Variants in SUSD3 observed in about 807,000 individuals in gnomAD.
SUSD3 encodes sushi domain containing 3, also known as sushi domain-containing protein 3.
In SUSD3, 18 loss-of-function variants were observed where a neutral mutation model predicts 20.6. The observed-to-expected ratio is 0.87, with a 90% CI of 0.60 to 1.30. SUSD3 has a LOEUF of 1.30. SUSD3 is among the 50% of genes most tolerant of loss of function. The pLI, the probability that SUSD3 is intolerant of heterozygous loss-of-function variation, is 0.00. For synonymous variants in SUSD3, 137 were observed against 141.5 expected, an observed-to-expected ratio of 0.97 and a Z score of 0.23; for missense variants, 306 against 346.9, an observed-to-expected ratio of 0.88 and a Z score of 0.94.
rs562512987 is a variant in SUSD3, at chr9:93,064,100, G to C, written c.88+5270G>C. Among the ~76,000 whole-genome samples, 11 of 152,228 alleles carry C rather than the reference G, an allele frequency of 7.2e-5. No individual in the cohort carries two copies. In the South Asian group the frequency reaches 1.2e-3, roughly 17 times the overall value. ...GTCTCACTTTGTCAACCAGGCTAGA[G>C]TACAGTGCCGTGATCTTGGCTCACT... On this transcript the variant is annotated intron_variant, in intron 1 of 4. Transcript: ENST00000375472.
rs369829228 is a variant in SUSD3 at position 93,081,974 on chromosome 9, C to A, written c.557+2372C>A. ...CTAGGAATCGATTGTTTAGGCCCAA[C>A]AGTCTGAATATTTTATGACCACATT... On this transcript the variant is annotated intron_variant, in intron 4 of 4. Coordinates refer to ENST00000375472, the MANE Select transcript of SUSD3 (RefSeq NM_145006.4). Among the ~76,000 whole-genome samples, 3 of 152,206 alleles carry A rather than the reference C, an allele frequency of 2.0e-5. No homozygotes were observed. The East Asian group carries it at 5.8e-4, about 29-fold the overall frequency.
intron 4 of SUSD3, among the ~76,000 whole-genome samples, chr9:93,081,243 G>A (rs1325471165): frequency 6.6e-6 from 1 of 152,152 alleles, no homozygotes; most frequent in Non-Finnish European, 1.5e-5. Flanking sequence ...ACTGCTCTGG[G>A]AGCCCTGTTT....
chr9:93,070,483 G>A (rs1825870461), intron 1 of SUSD3, among the ~76,000 whole-genome samples: 1 of 152,210 alleles, frequency 6.6e-6, no homozygotes, highest in Non-Finnish European at 1.5e-5. Context: ...GGGCAGCCCG[G>A]GGATAAAGAG....
In SUSD3 at chr9:93,084,626, G is replaced by A. The variant is rs1481690262; in HGVS notation, c.647G>A (p.Gly216Asp). Residue 216 changes from glycine to aspartate, a missense_variant, in exon 5 of 5, where the codon GGC (glycine) becomes GAC (aspartate). By Grantham distance (94) the Gly-to-Asp change is moderately conservative (BLOSUM62 -1). Coordinates refer to ENST00000375472, the MANE Select transcript of SUSD3 (RefSeq NM_145006.4). ...PGIPRALSLS[G>D]SSSSPQAQVM... ...ATCCCCAGAGCTCTAAGCCTCAGTG[G>A]CTCCTCCAGCTCACCCCAAGCCCAG... 1 of 1,609,694 alleles carries A rather than the reference G, an allele frequency of 6.2e-7. No individual in the cohort carries two copies. Among genetic ancestry groups the A allele is most frequent in the African/African-American group, 1.3e-5 (1 of 74,852 alleles).
chr9:93,077,487 C>T (rs1826213049), intron 2 of SUSD3, among the ~76,000 whole-genome samples: 1 of 152,206 alleles, frequency 6.6e-6, no homozygotes, highest in South Asian at 2.1e-4. Flanking sequence ...CTACAAAACC[C>T]TGCTCAAATA....
chr9:93,064,355 C>T (rs1171097564), intron 1 of SUSD3, among the ~76,000 whole-genome samples: 1 of 152,214 alleles, frequency 6.6e-6, no homozygotes, highest in Admixed American at 6.5e-5. Flanking sequence ...CGACTTCACC[C>T]TTTATCCCCC....
At chr9:93,066,534 G>A (rs1427382381) in intron 1 of SUSD3, among the ~76,000 whole-genome samples, 1 of 151,436 alleles carries the variant, frequency 6.6e-6, no homozygotes, top group African/African-American at 2.4e-5. Flanking sequence ...GCTCGGCCAA[G>A]TATCTTCAGT....
At chr9:93,066,085 C>T (rs925167064) in intron 1 of SUSD3, among the ~76,000 whole-genome samples, 10 of 152,176 alleles carry the variant, frequency 6.6e-5, no homozygotes, top group Admixed American at 3.9e-4. Flanking sequence ...TGCCCTCCAT[C>T]CCCCTGAAGG....
chr9:93,065,247 C>T (rs762756052), intron 1 of SUSD3, among the ~76,000 whole-genome samples: 112 of 152,326 alleles, frequency 7.4e-4, no homozygotes, highest in Middle Eastern at 6.8e-3. Flanking sequence ...TTCCACCCTT[C>T]GCATTTCGCT....
In SUSD3 at chr9:93,075,794, T is replaced by C; in HGVS notation, c.99T>C (p.Ala33=). 7.4e-7 allele frequency: 1 copy of C among 1,351,430 alleles called. No individual in the cohort carries two copies. The highest frequency in any genetic ancestry group is 9.8e-7 in the Non-Finnish European group (1 of 1,023,432). The allele number at this position is 1,351,430 out of a possible 1,614,324, so 83.7% of individuals were successfully genotyped here. A position where few individuals can be genotyped will look rare whatever the true frequency, so the allele number is the denominator to read the frequency against. The part of the protein sequence containing the change: ...PAPGNRTGTC[A]KLRLPPQATF... ...TGCCTGTCTCCCCAGGCACGTGCGC[T>C]AAGCTGCGGCTACCCCCGCAAGCAA... Residue 33 remains alanine (A), a synonymous_variant, in exon 2 of 5, where the codon GCT becomes GCC. Coordinates refer to ENST00000375472, the MANE Select transcript of SUSD3 (RefSeq NM_145006.4).
intron 1 of SUSD3, chr9:93,069,142 A>G (rs554305422): frequency 1.4e-6 from 1 of 702,908 alleles, no homozygotes; most frequent in Non-Finnish European, 2.6e-6. Context: ...AATTCCAGAG[A>G]TAATTTGTAA....
At chr9:93,075,736 G>GT (rs1826115521) in intron 1 of SUSD3, 48 bp from the exon 2 acceptor site, 99 of 272,388 alleles carry the variant, frequency 3.6e-4, no homozygotes, top group Middle Eastern at 1.0e-3. Context: ...TGCCCTGCGT[G>GT]CCCACCCCCC....
chr9:93,067,898 A>G (rs2118931295), intron 1 of SUSD3, among the ~76,000 whole-genome samples: 1 of 152,316 alleles, frequency 6.6e-6, no homozygotes, highest in South Asian at 2.1e-4. Flanking sequence ...GCGCCCAGCC[A>G]GCTATTGGTA....
rs1826030573 is a variant in SUSD3 at position 93,074,246 on chromosome 9, T to C, written c.89-1538T>C. 2.0e-5 allele frequency among the ~76,000 whole-genome samples: 3 copies of C among 151,896 alleles called. No homozygotes were observed. In the South Asian group the frequency reaches 6.3e-4, roughly 32 times the overall value. Reference sequence around the variant, plus strand: ...GATCACGAGGTCATCATGGCCAACATGGTGAAACCCCGTCTCTACTAAAAA... The same window carrying C: ...GATCACGAGGTCATCATGGCCAACACGGTGAAACCCCGTCTCTACTAAAAA... On this transcript the variant is annotated intron_variant, in intron 1 of 4. Coordinates refer to ENST00000375472, the MANE Select transcript of SUSD3 (RefSeq NM_145006.4).
chr9:93,068,463 A>G (rs964311946), intron 1 of SUSD3, among the ~76,000 whole-genome samples: 3 of 152,210 alleles, frequency 2.0e-5, no homozygotes, highest in Admixed American at 6.5e-5. Context: ...ACCCTTGTTG[A>G]AAATCATTTG....
At chr9:93,078,848 G>A (rs1455844491) in intron 3 of SUSD3, among the ~76,000 whole-genome samples, 1 of 151,128 alleles carries the variant, frequency 6.6e-6, no homozygotes, top group Admixed American at 6.6e-5. Flanking sequence ...CGCCCAGGCT[G>A]GAGTGCAGTG....
At chr9:93,075,735 T>TCCC in intron 1 of SUSD3, 49 bp from the exon 2 acceptor site, 1 of 247,428 alleles carries the variant, frequency 4.0e-6, no homozygotes, top group South Asian at 2.3e-5. Context: ...CTGCCCTGCG[T>TCCC]GCCCACCCCC....
intron 1 of SUSD3, among the ~76,000 whole-genome samples, chr9:93,072,022 C>T (rs1825929856): frequency 6.6e-6 from 1 of 152,124 alleles, no homozygotes; most frequent in African/African-American, 2.4e-5. Context: ...CTTTGCTGTG[C>T]CTCAGTTTCC....
chr9:93,084,772 G>C lies in SUSD3; in HGVS notation c.*25G>C. 1 of 1,457,796 alleles carries C rather than the reference G, an allele frequency of 6.9e-7. No homozygotes were observed. The highest frequency in any genetic ancestry group is 9.0e-7 in the Non-Finnish European group (1 of 1,106,144). The allele number at this position is 1,457,796 out of a possible 1,614,324, so 90.3% of individuals were successfully genotyped here. On this transcript the variant is annotated 3_prime_UTR_variant, in exon 5 of 5. Coordinates refer to ENST00000375472, the MANE Select transcript of SUSD3 (RefSeq NM_145006.4). ...ACCACGCAGTGAGGCTGGTGCCCAT[G>C]CTCCACACTGGGAGGCCAGGCTGAC...
Sources: gnomAD v4.1 joint callset for allele counts (sites outside exome capture counted in the v4.1 genomes callset) on GRCh38, gnomAD v4.1.1 for gene constraint, MANE v1.5 for transcripts, NCBI Gene and HGNC (gene_info 2026-07-23, HGNC 2026-07-21) for gene names.